The following ASB15 variants were observed in gnomAD, a reference collection of about 807,000 sequenced individuals.
ASB15 encodes the protein ankyrin repeat and SOCS box containing 15, also known as ankyrin repeat and SOCS box protein 15.
Under a neutral mutation model 58.0 loss-of-function variants are expected in ASB15, and 54 were observed. That is an observed-to-expected ratio of 0.93 (90% confidence interval 0.75 to 1.17). ASB15 has a LOEUF of 1.17. Among genes scored for constraint, ASB15 ranks in the 50% most tolerant of loss-of-function variants. The pLI is 0.00. For synonymous variants in ASB15, 249 were observed against 262.4 expected (o/e 0.95, Z 0.50); for missense variants, 680 against 707.4 (o/e 0.96, Z 0.44).
intron 1 of ASB15, among the ~76,000 whole-genome samples, chr7:123,576,349 T>C (rs1193263481): frequency 7.2e-5 from 11 of 152,168 alleles, no homozygotes; most frequent in Middle Eastern, 3.4e-3. Context: ...TTTGTTGTTG[T>C]TGTTTTAATT....
In ASB15 at chr7:123,630,020, C is replaced by A; in HGVS notation, c.1495C>A (p.Arg499Ser). ...GAAGCACTTGGTAGGCAGAGTTACTCGTGTACTAATAGATTACATGGATTA... is the reference window on the plus strand; with the variant it reads ...GAAGCACTTGGTAGGCAGAGTTACTAGTGTACTAATAGATTACATGGATTA... The part of the protein sequence containing the change: ...WMKHLVGRVT[R>S]VLIDYMDYVP... Residue 499 changes from arginine (R) to serine (S), a missense_variant, in exon 11 of 12, where the codon CGT becomes AGT. Coordinates refer to ENST00000451215, the MANE Select transcript of ASB15 (RefSeq NM_001290258.2). The A allele has an allele frequency of 3.7e-6, 6 of 1,602,408 alleles. No homozygotes were observed. The highest frequency in any genetic ancestry group is 5.1e-6 in the Non-Finnish European group (6 of 1,170,350).
intron 1 of ASB15, among the ~76,000 whole-genome samples, chr7:123,569,940 T>C (rs978229641): frequency 3.3e-5 from 5 of 152,128 alleles, no homozygotes; most frequent in Non-Finnish European, 7.3e-5. Flanking sequence ...ATGATTGTTA[T>C]TATTATGTTT....
chr7:123,594,910 A>T (rs1244409958), intron 1 of ASB15, among the ~76,000 whole-genome samples: 1 of 152,212 alleles, frequency 6.6e-6, no homozygotes, highest in Non-Finnish European at 1.5e-5. Flanking sequence ...CAAGAGAGGC[A>T]GTAGGCCTTG....
At position 123,629,337 on chromosome 7, in the gene ASB15, G is replaced by T; in HGVS notation, c.1343G>T (p.Cys448Phe). The T allele has an allele frequency of 6.2e-7, 1 of 1,614,016 alleles. No individual in the cohort carries two copies. Among genetic ancestry groups the T allele is most frequent in the Non-Finnish European group, 8.5e-7 (1 of 1,179,892 alleles). Reference sequence around the variant, plus strand: ...TATCAAGTGGAGATGTGCTTTGACTGCATGCATGGTGACATCTTTGGAAAT... The same window carrying T: ...TATCAAGTGGAGATGTGCTTTGACTTCATGCATGGTGACATCTTTGGAAAT... ...NGYQVEMCFD[C>F]MHGDIFGNSF... Residue 448 changes from cysteine (C) to phenylalanine (F), a missense_variant, in exon 10 of 12, where the codon TGC (cysteine) becomes TTC (phenylalanine). Physicochemically the swap from Cys to Phe is radical, Grantham distance 205. Coordinates refer to ENST00000451215, the MANE Select transcript of ASB15 (RefSeq NM_001290258.2).
intron 1 of ASB15, among the ~76,000 whole-genome samples, chr7:123,602,504 C>G (rs1433027182): frequency 6.6e-6 from 1 of 152,058 alleles, no homozygotes; most frequent in Non-Finnish European, 1.5e-5. Flanking sequence ...GCACAGTTAA[C>G]TTCTAAGGAG....
chr7:123,630,253 C>T (rs1802051814), intron 11 of ASB15, 134 bp downstream of exon 11: 1 of 604,914 alleles, frequency 1.7e-6, no homozygotes, highest in Middle Eastern at 4.6e-4. Context: ...TAAAATCATC[C>T]TTAACACTTC....
At chr7:123,619,554 C>G (rs1801091721) in intron 7 of ASB15, among the ~76,000 whole-genome samples, 1 of 152,014 alleles carries the variant, frequency 6.6e-6, no homozygotes, top group Admixed American at 6.6e-5. Context: ...GGCAGAGTCT[C>G]GCTCTGTTGC....
intron 1 of ASB15, among the ~76,000 whole-genome samples, chr7:123,578,198 A>G (rs1799118074): frequency 6.7e-6 from 1 of 150,250 alleles, no homozygotes; most frequent in Non-Finnish European, 1.5e-5. Context: ...ATACTAGATC[A>G]TCTATTACTG....
chr7:123,624,909 G>T, intron 8 of ASB15, 95 bp downstream of exon 8: 1 of 1,409,986 alleles, frequency 7.1e-7, no homozygotes, highest in Non-Finnish European at 9.6e-7. Flanking sequence ...AATGTAACTA[G>T]GGGAGCTCCT....
intron 3 of ASB15, among the ~76,000 whole-genome samples, chr7:123,612,559 C>A (rs1800526631): frequency 1.3e-5 from 2 of 152,018 alleles, no homozygotes; most frequent in Non-Finnish European, 1.5e-5. Flanking sequence ...CTTGTGCCAG[C>A]CTTAACACAG....
rs550126982 is a variant in ASB15, at chr7:123,611,588, GC to G, written c.-2-2910del. Among the ~76,000 whole-genome samples the G allele has an allele frequency of 1.2e-4, 19 of 152,274 alleles. No homozygotes were observed. In the South Asian group the frequency reaches 3.7e-3, roughly 30 times the overall value. ...TGGGATTACAGGCGTGAGCCACGGT[GC>G]CCGGCCAGTTACTCTTATTTATGAG... On this transcript the variant is annotated intron_variant, in intron 3 of 11. Coordinates refer to ENST00000451215, the MANE Select transcript of ASB15 (RefSeq NM_001290258.2).
At chr7:123,617,064 T>C (rs1243156670) in intron 6 of ASB15, among the ~76,000 whole-genome samples, 1 of 152,156 alleles carries the variant, frequency 6.6e-6, no homozygotes, top group African/African-American at 2.4e-5. Context: ...GAGTGCCCTA[T>C]CGTTCAGCTT....
At chr7:123,636,508 G>A (rs1802435636) in intron 11 of ASB15, among the ~76,000 whole-genome samples, 1 of 152,138 alleles carries the variant, frequency 6.6e-6, no homozygotes, top group African/African-American at 2.4e-5. Flanking sequence ...AGAGATGTGA[G>A]CATTTGCTTT....
rs538037016 is a variant in ASB15 at position 123,636,966 on chromosome 7, G to C, written c.1752G>C (p.Glu584Asp). ...LFKEYDLYGQELKLT is the reference protein window; with the variant it reads ...LFKEYDLYGQDLKLT ...AAGAGTATGATCTCTATGGACAAGA[G>C]CTAAAATTGACATAACTTAATATTT... The change falls in exon 12 of 12, where the codon GAG becomes GAC. Residue 584 changes from glutamate to aspartate, a missense_variant. By Grantham distance (45) the Glu-to-Asp change is conservative (BLOSUM62 2). Coordinates refer to ENST00000451215, the MANE Select transcript of ASB15 (RefSeq NM_001290258.2). 1 of 1,532,214 alleles carries C rather than the reference G, an allele frequency of 6.5e-7. No homozygotes were observed. Among genetic ancestry groups the C allele is most frequent in the East Asian group, 2.3e-5 (1 of 44,374 alleles). 94.9% of individuals were successfully genotyped at this position (1,532,214 alleles called of 1,614,324 possible). A position where few individuals can be genotyped will look rare whatever the true frequency, so the allele number is the denominator to read the frequency against.
At chr7:123,625,002 C>CT in intron 8 of ASB15, 188 bp downstream of exon 8, 3 of 652,482 alleles carry the variant, frequency 4.6e-6, no homozygotes, top group Non-Finnish European at 7.6e-6. Context: ...CAGCTAAGCC[C>CT]TATACATTGT....
chr7:123,585,140 G>T (rs778263419), intron 1 of ASB15: 3 of 151,774 alleles, frequency 2.0e-5, no homozygotes, highest in Non-Finnish European at 4.4e-5. Context: ...CCATGACTTT[G>T]TTATTCAGTT....
rs542213974 is a variant in ASB15 at position 123,596,688 on chromosome 7, C to T, written c.-442-7344C>T. Among the ~76,000 whole-genome samples, 26 of 152,110 alleles carry T rather than the reference C, an allele frequency of 1.7e-4. No individual in the cohort carries two copies. In the South Asian group the frequency reaches 5.4e-3, roughly 32 times the overall value. ...ATTTGAATTTATTGTGCTAAGTTTTCTTCGTTAAATTTATATAATTTCTTC... is the reference window on the plus strand; with the variant it reads ...ATTTGAATTTATTGTGCTAAGTTTTTTTCGTTAAATTTATATAATTTCTTC... On this transcript the variant is annotated intron_variant, in intron 1 of 13. Coordinates refer to the ASB15 transcript ENST00000451558.
rs896677135 is a variant in ASB15, at chr7:123,592,068, T to A, written c.-442-11964T>A. Among the ~76,000 whole-genome samples the A allele has an allele frequency of 3.9e-5, 6 of 152,318 alleles. No individual in the cohort carries two copies. The East Asian group carries it at 9.6e-4, about 24-fold the overall frequency. ...CAGGAATTTATCCATTTCTTCTAGA[T>A]ATTTTAGTTTATTTCTGTAGAGGTG... On this transcript the variant is annotated intron_variant, in intron 1 of 13. Transcript: ENST00000451558.
At chr7:123,573,003 C>G (rs2116278619) in intron 1 of ASB15, among the ~76,000 whole-genome samples, 1 of 152,036 alleles carries the variant, frequency 6.6e-6, no homozygotes, top group African/African-American at 2.4e-5. Context: ...AACAAACGAT[C>G]AGCTATGTGT....
Sources: allele counts gnomAD v4.1 joint callset (sites outside exome capture counted in the v4.1 genomes callset), GRCh38; gene constraint gnomAD v4.1.1; transcripts MANE v1.5; gene names NCBI Gene and HGNC (gene_info 2026-07-23, HGNC 2026-07-21).